Variants in BTBD9 observed in about 807,000 individuals in gnomAD.
BTBD9 encodes BTB/POZ domain-containing protein 9.
Under a neutral mutation model 64.3 loss-of-function variants are expected in BTBD9, and 49 were observed. The ratio of observed to expected loss-of-function variants is 0.76; its 90% CI spans 0.61 to 0.97. The LOEUF is 0.97. Among genes scored for constraint, BTBD9 ranks in the 50% least tolerant of loss-of-function variants. The probability of loss-of-function intolerance (pLI) is 0.00; values close to 1 mark genes in which losing one functional copy is unlikely to be tolerated. For synonymous variants in BTBD9, 260 were observed against 274.7 expected, an observed-to-expected ratio of 0.95 and a Z score of 0.53; for missense variants, 598 against 762.1, an observed-to-expected ratio of 0.78 and a Z score of 2.53.
intron 9 of BTBD9, among the ~76,000 whole-genome samples, chr6:38,249,762 A>AC (rs1764329062): frequency 6.6e-6 from 1 of 151,686 alleles, no homozygotes; most frequent in East Asian, 1.9e-4. Context: ...AAGAATCAAA[A>AC]AAAAAAAAAA....
intron 9 of BTBD9, among the ~76,000 whole-genome samples, chr6:38,221,936 A>C (rs1763210774): frequency 6.6e-6 from 1 of 152,176 alleles, no homozygotes; most frequent in Admixed American, 6.5e-5. Context: ...GGTTGCAGTG[A>C]GCTGAGAGTG....
intron 6 of BTBD9, among the ~76,000 whole-genome samples, chr6:38,497,069 C>T (rs1309467830): frequency 6.6e-6 from 1 of 152,114 alleles, no homozygotes; most frequent in Admixed American, 6.5e-5. Flanking sequence ...TGCCACAATA[C>T]AGAACTATGA....
chr6:38,233,506 A>C (rs2127518926), intron 9 of BTBD9, among the ~76,000 whole-genome samples: 1 of 152,322 alleles, frequency 6.6e-6, no homozygotes, highest in East Asian at 1.9e-4. Context: ...ATTCTACTGC[A>C]TCCAGCACAC....
At chr6:38,316,643 T>C (rs1763038326) in intron 7 of BTBD9, among the ~76,000 whole-genome samples, 2 of 152,214 alleles carry the variant, frequency 1.3e-5, no homozygotes, top group African/African-American at 4.8e-5. Context: ...ATTATTGTAC[T>C]ATATATGTCT....
intron 6 of BTBD9, among the ~76,000 whole-genome samples, chr6:38,471,976 G>A (rs1264880557): frequency 1.3e-5 from 2 of 152,132 alleles, no homozygotes; most frequent in Admixed American, 6.5e-5. Context: ...TAGAAATACA[G>A]GGAATACATG....
At chr6:38,338,522 G>T (rs528393160) in intron 7 of BTBD9, among the ~76,000 whole-genome samples, 54 of 152,206 alleles carry the variant, frequency 3.5e-4, no homozygotes, top group African/African-American at 1.3e-3. Context: ...GCTGATAATA[G>T]AATCTTATTC....
intron 1 of BTBD9, among the ~76,000 whole-genome samples, chr6:38,620,565 C>T (rs942628963): frequency 7.9e-5 from 12 of 152,248 alleles, no homozygotes; most frequent in African/African-American, 2.9e-4. Flanking sequence ...AGTTTGGAAG[C>T]CTCATGCCAG....
intron 6 of BTBD9, among the ~76,000 whole-genome samples, chr6:38,556,506 AGTGTGTGTGT>A (rs140373285): frequency 2.2e-5 from 3 of 137,754 alleles, no homozygotes; most frequent in Admixed American, 7.4e-5. Context: ...TGTCCTATAA[AGTGTGTGTGT>A]GTGTGTGTGT....
intron 6 of BTBD9, among the ~76,000 whole-genome samples, chr6:38,556,739 G>A (rs998321422): frequency 2.0e-5 from 3 of 151,534 alleles, no homozygotes; most frequent in Non-Finnish European, 4.4e-5. Flanking sequence ...ACCTTCGGCC[G>A]GGCGCGGTGG....
rs1386116356 is a variant in BTBD9 at position 38,171,741 on chromosome 6, C to A, written c.*3244G>T. 1 of 150,272 alleles carries A rather than the reference C, an allele frequency of 6.7e-6. No individual in the cohort carries two copies. The highest frequency in any genetic ancestry group is 2.5e-5 in the African/African-American group (1 of 40,690). The allele number at this position is 150,272 out of a possible 1,614,324, so 9.3% of individuals were successfully genotyped here. A position where few individuals can be genotyped will look rare whatever the true frequency, so the allele number is the denominator to read the frequency against. ...TGCTGCCCAGCACACACCCTACCTG[C>A]CCTACACTCTCAGTCCACCCCAAAT... On this transcript the variant is annotated 3_prime_UTR_variant, in exon 11 of 11. Coordinates refer to ENST00000481247, the MANE Select transcript of BTBD9 (RefSeq NM_001099272.2).
At chr6:38,552,680 T>C (rs933498366) in intron 6 of BTBD9, among the ~76,000 whole-genome samples, 51 of 151,516 alleles carry the variant, frequency 3.4e-4, no homozygotes, top group African/African-American at 1.0e-3. Context: ...GGTAGGAGAA[T>C]TGCTTGAACC....
intron 6 of BTBD9, among the ~76,000 whole-genome samples, chr6:38,567,949 C>T (rs1303478282): frequency 6.6e-6 from 1 of 152,074 alleles, no homozygotes; most frequent in African/African-American, 2.4e-5. Context: ...ATTATCCAGG[C>T]ACCTGCATTC....
intron 8 of BTBD9, among the ~76,000 whole-genome samples, chr6:38,261,372 C>T (rs936364918): frequency 6.6e-6 from 1 of 151,956 alleles, no homozygotes; most frequent in Non-Finnish European, 1.5e-5. Flanking sequence ...ACTTCTATTC[C>T]CCCCAACCCC....
intron 6 of BTBD9, among the ~76,000 whole-genome samples, chr6:38,375,409 T>G (rs1232733118): frequency 1.3e-5 from 2 of 152,204 alleles, no homozygotes; most frequent in African/African-American, 4.8e-5. Flanking sequence ...TAGTGTGAGT[T>G]AGAAAGTCTG....
intron 8 of BTBD9, among the ~76,000 whole-genome samples, chr6:38,257,720 T>A (rs924002174): frequency 2.0e-5 from 3 of 152,170 alleles, no homozygotes; most frequent in African/African-American, 7.2e-5. Flanking sequence ...AGATAAGAAC[T>A]TAAGCATTAA....
At chr6:38,521,554 T>A (rs1773272635) in intron 6 of BTBD9, among the ~76,000 whole-genome samples, 2 of 152,226 alleles carry the variant, frequency 1.3e-5, no homozygotes, top group Non-Finnish European at 2.9e-5. Flanking sequence ...GAATTTCCTT[T>A]GAGCATCAAA....
chr6:38,215,372 C>G (rs1295535700), intron 9 of BTBD9, among the ~76,000 whole-genome samples: 1 of 152,140 alleles, frequency 6.6e-6, no homozygotes, highest in East Asian at 1.9e-4. Context: ...AGGCAAGCTT[C>G]AATGTCGGCC....
intron 10 of BTBD9, among the ~76,000 whole-genome samples, chr6:38,177,757 G>A (rs1250878072): frequency 6.6e-6 from 1 of 152,168 alleles, no homozygotes; most frequent in African/African-American, 2.4e-5. Context: ...TGTCTAACTT[G>A]GGCAGTGTTA....
At chr6:38,395,122 T>C (rs771571797) in intron 6 of BTBD9, among the ~76,000 whole-genome samples, 15 of 152,060 alleles carry the variant, frequency 9.9e-5, no homozygotes, top group Non-Finnish European at 2.2e-4. Flanking sequence ...ATGAATGAGA[T>C]TAGTTCCCTT....
Sources: gnomAD v4.1 joint callset for allele counts (sites outside exome capture counted in the v4.1 genomes callset) on GRCh38, gnomAD v4.1.1 for gene constraint, MANE v1.5 for transcripts, NCBI Gene and HGNC (gene_info 2026-07-23, HGNC 2026-07-21) for gene names.